The following BAD variants were observed in gnomAD, a reference collection of about 807,000 sequenced individuals.
BAD encodes the protein BCL2 associated agonist of cell death, also known as bcl2-associated agonist of cell death.
Under a neutral mutation model 17.8 loss-of-function variants are expected in BAD, and 18 were observed. The ratio of observed to expected loss-of-function variants is 1.01; its 90% confidence interval spans 0.70 to 1.50. The LOEUF (loss-of-function observed/expected upper bound fraction) is 1.50, where lower values mean the gene tolerates loss of function less well. Ranked by LOEUF, BAD falls within the 40% of genes most tolerant of loss-of-function variation. BAD has a pLI of 0.00. For missense variants in BAD, 294 were observed against 239.3 expected (o/e 1.23, Z -1.51); for synonymous variants, 112 against 91.5 (o/e 1.22, Z -1.28).
chr11:64,280,572 T>C (rs998714289), intron 2 of BAD, among the ~76,000 whole-genome samples: 33 of 150,624 alleles, frequency 2.2e-4, no homozygotes, highest in South Asian at 6.3e-4. Context: ...AGGATGGTCT[T>C]GATCTCCTGA....
intron 3 of BAD, among the ~76,000 whole-genome samples, chr11:64,270,969 C>G (rs1445046343): frequency 1.4e-5 from 1 of 69,080 alleles, no homozygotes; most frequent in African/African-American, 4.4e-5. Context: ...TCCCAGCATG[C>G]CCTGTGACAC....
In BAD at chr11:64,280,746, C is replaced by T. The variant is rs539913626; in HGVS notation, c.187+3436G>A. Among the ~76,000 whole-genome samples the T allele has an allele frequency of 5.3e-5, 8 of 151,696 alleles. No individual in the cohort carries two copies. In the South Asian group the frequency reaches 6.2e-4, roughly 12 times the overall value. ...GCAGTGGCAGGATTTCAGCTCACTG[C>T]GACCTCCACCTCCTGGGTTCAAGTG... On this transcript the variant is annotated intron_variant, in intron 2 of 3. Transcript: ENST00000309032.
chr11:64,277,812 C>T (rs749506568), intron 2 of BAD, among the ~76,000 whole-genome samples: 3 of 152,150 alleles, frequency 2.0e-5, no homozygotes, highest in Non-Finnish European at 2.9e-5. Context: ...CAGTGGGCCA[C>T]GTGGTCTCTG....
intron 2 of BAD, among the ~76,000 whole-genome samples, chr11:64,274,596 G>A (rs1332628675): frequency 6.6e-6 from 1 of 152,146 alleles, no homozygotes. Context: ...CCCAAGGCAG[G>A]TGGATCACGA....
chr11:64,271,546 G>T, intron 3 of BAD, 67 bp downstream of exon 3: 4 of 1,360,732 alleles, frequency 2.9e-6, no homozygotes, highest in Non-Finnish European at 3.8e-6. Flanking sequence ...TTGGGACAAG[G>T]CAGGGACAGA....
chr11:64,284,596 C>G, intron 1 of BAD, 35 bp downstream of exon 1: 1 of 1,498,296 alleles, frequency 6.7e-7, no homozygotes, highest in Non-Finnish European at 8.9e-7. Flanking sequence ...GACCCAGGCC[C>G]CGCCCCGCCC....
At chr11:64,277,736 A>T (rs960271994) in intron 2 of BAD, among the ~76,000 whole-genome samples, 1 of 152,146 alleles carries the variant, frequency 6.6e-6, no homozygotes, top group African/African-American at 2.4e-5. Context: ...GCTGGCTGGC[A>T]AATGTTTGTT....
intron 2 of BAD, among the ~76,000 whole-genome samples, chr11:64,282,236 G>A (rs1016762997): frequency 2.6e-5 from 4 of 152,200 alleles, no homozygotes; most frequent in African/African-American, 4.8e-5. Flanking sequence ...AATGCTGAGT[G>A]TGTGTGGGGG....
intron 3 of BAD, 69 bp downstream of exon 3, chr11:64,271,544 A>C (rs1188255303): frequency 1.5e-6 from 2 of 1,342,952 alleles, no homozygotes; most frequent in Non-Finnish European, 1.9e-6. Flanking sequence ...CCTTGGGACA[A>C]GGCAGGGACA....
chr11:64,282,440 A>G (rs2033540643), intron 2 of BAD, among the ~76,000 whole-genome samples: 1 of 152,176 alleles, frequency 6.6e-6, no homozygotes, highest in Non-Finnish European at 1.5e-5. Context: ...CACCTCTACA[A>G]AAAATAAAAA....
intron 2 of BAD, among the ~76,000 whole-genome samples, chr11:64,274,681 T>C (rs1424537843): frequency 6.6e-6 from 1 of 151,396 alleles, no homozygotes; most frequent in Non-Finnish European, 1.5e-5. Flanking sequence ...ATTAGCCAGG[T>C]GTGGTGGCGC....
chr11:64,281,869 C>T (rs971533300), intron 2 of BAD, among the ~76,000 whole-genome samples: 6 of 152,148 alleles, frequency 3.9e-5, no homozygotes, highest in Non-Finnish European at 7.3e-5. Context: ...TATAGGTGCG[C>T]GCCACCATGC....
rs1428039676 is a variant in BAD, at chr11:64,269,936, TTA to T, written c.*271_*272del. The T allele has an allele frequency of 1.4e-6, 1 of 717,018 alleles. No individual in the cohort carries two copies. The allele number at this position is 717,018 out of a possible 1,614,324, so 44.4% of individuals were successfully genotyped here. On this transcript the variant is annotated 3_prime_UTR_variant, in exon 4 of 4. Coordinates refer to ENST00000309032, the MANE Select transcript of BAD (RefSeq NM_032989.3). ...GCAACGGTTAAACCTGGCTCGCGAC[TTA>T]GCGCAGGCGCCTGGGGGAAAGCCCG...
chr11:64,277,458 G>A (rs746931294), intron 2 of BAD, among the ~76,000 whole-genome samples: 9 of 152,184 alleles, frequency 5.9e-5, no homozygotes, highest in Admixed American at 2.6e-4. Context: ...AAAAAACAGC[G>A]ACAGGGTCTC....
intron 2 of BAD, among the ~76,000 whole-genome samples, chr11:64,272,303 G>GC (rs1275524799): frequency 4.6e-5 from 7 of 150,680 alleles, no homozygotes; most frequent in Non-Finnish European, 8.9e-5. Context: ...TGGGCGACAG[G>GC]CTTTTTTTCT....
chr11:64,284,290 C>A lies in BAD; in HGVS notation c.79G>T (p.Ala27Ser). 5 of 1,611,918 alleles carry A rather than the reference C, an allele frequency of 3.1e-6. No individual in the cohort carries two copies. The highest frequency in any genetic ancestry group is 4.2e-6 in the Non-Finnish European group (5 of 1,179,936). Residue 27 changes from alanine to serine, a missense_variant, in exon 2 of 4, where the codon GCA becomes TCA. Transcript: ENST00000309032. ...SAERGLGPSPAGDGPSGSGKH... is the reference protein window; with the variant it reads ...SAERGLGPSPSGDGPSGSGKH... The stretch of plus-strand genomic sequence containing the variant: ...CCGGAGCCTGAGGGCCCGTCCCCTG[C>A]GGGGCTGGGGCCCAGGCCCCTCTCT...
chr11:64,280,131 C>T (rs2033349355), intron 2 of BAD, among the ~76,000 whole-genome samples: 2 of 151,464 alleles, frequency 1.3e-5, no homozygotes, highest in African/African-American at 4.9e-5. Context: ...TCCTGGCTAA[C>T]ATGGTGAAAC....
In BAD at chr11:64,272,337, G is replaced by A. The variant is rs537411522; in HGVS notation, c.188-534C>T. Among the ~76,000 whole-genome samples the A allele has an allele frequency of 4.0e-5, 6 of 151,500 alleles. No homozygotes were observed. In the South Asian group the frequency reaches 1.0e-3, roughly 26 times the overall value. On this transcript the variant is annotated intron_variant, in intron 2 of 3. Transcript: ENST00000309032. The stretch of plus-strand genomic sequence containing the variant: ...CTCAAAAGAAAAAAAAAAAAAGCAA[G>A]AAGTATTATTAGTGCAAGACCTTCA...
intron 2 of BAD, among the ~76,000 whole-genome samples, chr11:64,280,126 G>A (rs988093177): frequency 6.6e-6 from 1 of 151,494 alleles, no homozygotes; most frequent in Non-Finnish European, 1.5e-5. Flanking sequence ...GACCATCCTG[G>A]CTAACATGGT....
Sources: allele counts gnomAD v4.1 joint callset (sites outside exome capture counted in the v4.1 genomes callset), GRCh38; gene constraint gnomAD v4.1.1; transcripts MANE v1.5; gene names NCBI Gene and HGNC (gene_info 2026-07-23, HGNC 2026-07-21).